The following SEM1 variants were observed in gnomAD, a reference collection of about 807,000 sequenced individuals.
SEM1 encodes the protein SEM1 26S proteasome subunit, also known as 26S proteasome complex subunit SEM1.
In SEM1, 3 loss-of-function variants were observed where a neutral mutation model predicts 12.7. That is an observed-to-expected ratio of 0.24 (90% CI 0.11 to 0.61). The LOEUF is 0.61. SEM1 is among the 20% of genes least tolerant of loss of function. The pLI, the probability that SEM1 is intolerant of heterozygous loss-of-function variation, is 0.88. For synonymous variants in SEM1, 30 were observed against 27.8 expected, an observed-to-expected ratio of 1.08 and a Z score of -0.25; for missense variants, 59 against 81.3, an observed-to-expected ratio of 0.73 and a Z score of 1.06.
chr7:96,484,821 T>C (rs1266445943), intron 3 of SEM1: 1 of 1,286,862 alleles, frequency 7.8e-7, no homozygotes, highest in Admixed American at 2.3e-5. Context: ...CTTTGTTCCA[T>C]TACCTTGCCC....
At chr7:96,666,332 T>C (rs1789171992) in intron 2 of SEM1, among the ~76,000 whole-genome samples, 1 of 152,140 alleles carries the variant, frequency 6.6e-6, no homozygotes, top group Non-Finnish European at 1.5e-5. Flanking sequence ...GAGTCCTGGG[T>C]TCAAATCCTG....
At chr7:96,526,331 C>T (rs781003833) in intron 2 of SEM1, among the ~76,000 whole-genome samples, 21 of 151,248 alleles carry the variant, frequency 1.4e-4, no homozygotes, top group Non-Finnish European at 2.1e-4. Context: ...TTTCTGCAAA[C>T]AATAGACAAA....
chr7:96,592,110 C>T (rs1021110549), intron 2 of SEM1, among the ~76,000 whole-genome samples: 3 of 151,920 alleles, frequency 2.0e-5, no homozygotes, highest in African/African-American at 7.3e-5. Flanking sequence ...AACTGAGTCA[C>T]ATTAAATTAC....
chr7:96,599,302 T>C (rs1415793440), intron 2 of SEM1, among the ~76,000 whole-genome samples: 2 of 152,190 alleles, frequency 1.3e-5, no homozygotes, highest in African/African-American at 4.8e-5. Context: ...TGAAAGCCTT[T>C]TCTTGCAGAA....
chr7:96,544,994 C>T (rs377172443), intron 2 of SEM1, among the ~76,000 whole-genome samples: 11 of 151,898 alleles, frequency 7.2e-5, no homozygotes, highest in East Asian at 5.8e-4. Flanking sequence ...CAAGGGTCAG[C>T]TGTCTTTTAA....
At chr7:96,595,174 T>C (rs1015572008) in intron 2 of SEM1, among the ~76,000 whole-genome samples, 1 of 152,164 alleles carries the variant, frequency 6.6e-6, no homozygotes, top group African/African-American at 2.4e-5. Flanking sequence ...TTTTTTTTAA[T>C]CAATGATGCT....
At chr7:96,526,546 C>T (rs1804469669) in intron 2 of SEM1, among the ~76,000 whole-genome samples, 1 of 152,104 alleles carries the variant, frequency 6.6e-6, no homozygotes, top group Non-Finnish European at 1.5e-5. Context: ...TTGACTCAGA[C>T]CAGGCTGAGT....
chr7:96,692,981 AAGTATC>A (rs895427769), intron 2 of SEM1, among the ~76,000 whole-genome samples: 1 of 152,012 alleles, frequency 6.6e-6, no homozygotes, highest in African/African-American at 2.4e-5. Flanking sequence ...AAAACTGTAG[AAGTATC>A]AGTATAACAG....
intron 2 of SEM1, among the ~76,000 whole-genome samples, chr7:96,615,334 C>T (rs971009320): frequency 7.1e-6 from 1 of 141,806 alleles, no homozygotes; most frequent in Non-Finnish European, 1.5e-5. Context: ...CTTACTGCAA[C>T]CTCCACCTCC....
At chr7:96,561,703 A>T (rs1046674157) in intron 2 of SEM1, among the ~76,000 whole-genome samples, 3 of 152,194 alleles carry the variant, frequency 2.0e-5, no homozygotes, top group Non-Finnish European at 2.9e-5. Flanking sequence ...ATAACTACTC[A>T]TTTCTATACT....
At chr7:96,629,395 A>C (rs1225919952) in intron 2 of SEM1, among the ~76,000 whole-genome samples, 1 of 151,700 alleles carries the variant, frequency 6.6e-6, no homozygotes, top group Non-Finnish European at 1.5e-5. Context: ...CAAGCTCACT[A>C]ATTCCTCTTC....
intron 2 of SEM1, among the ~76,000 whole-genome samples, chr7:96,664,740 G>A (rs1013359615): frequency 3.3e-5 from 5 of 152,158 alleles, no homozygotes; most frequent in Non-Finnish European, 7.3e-5. Flanking sequence ...AGGATACATG[G>A]TTTGGAATGT....
At chr7:96,637,110 T>C (rs965503472) in intron 2 of SEM1, 2 of 152,062 alleles carry the variant, frequency 1.3e-5, no homozygotes, top group Non-Finnish European at 2.9e-5. Flanking sequence ...CTTAGGCTAG[T>C]GGTGTAGAGG....
At chr7:96,619,825 C>A (rs949765536), downstream of SEM1, among the ~76,000 whole-genome samples, 1 of 152,080 alleles carries the variant, frequency 6.6e-6, no homozygotes, top group Non-Finnish European at 1.5e-5. Context: ...ATTGCTCTCC[C>A]ATGTTCTTCC....
At chr7:96,658,922 G>T (rs1175533045) in intron 2 of SEM1, among the ~76,000 whole-genome samples, 1 of 151,848 alleles carries the variant, frequency 6.6e-6, no homozygotes, top group South Asian at 2.1e-4. Flanking sequence ...TGAACCAAAT[G>T]TTCCCATCCT....
intron 2 of SEM1, among the ~76,000 whole-genome samples, chr7:96,555,033 T>C (rs373706019): frequency 1.2e-4 from 18 of 150,204 alleles, no homozygotes; most frequent in East Asian, 2.0e-4. Context: ...TCTGTGGGAT[T>C]GGTGGTGATA....
chr7:96,654,943 T>A (rs1248257057), intron 2 of SEM1, among the ~76,000 whole-genome samples: 1 of 152,142 alleles, frequency 6.6e-6, no homozygotes, highest in Non-Finnish European at 1.5e-5. Context: ...GTGTTCATTA[T>A]TGTGAAGCAC....
intron 1 of SEM1, among the ~76,000 whole-genome samples, chr7:96,708,714 T>C (rs946904858): frequency 1.3e-5 from 2 of 152,172 alleles, no homozygotes. Flanking sequence ...CAGTTCCAGT[T>C]CTATTATTTC....
At chr7:96,672,542 C>G (rs539442237), downstream of SEM1, 3 of 152,192 alleles carry the variant, frequency 2.0e-5, no homozygotes, top group African/African-American at 7.2e-5. Context: ...TGTTCTCCAA[C>G]TGCAATAGTC....
Sources: allele counts gnomAD v4.1 joint callset (sites outside exome capture counted in the v4.1 genomes callset), GRCh38; gene constraint gnomAD v4.1.1; transcripts MANE v1.5; gene names NCBI Gene and HGNC (gene_info 2026-07-23, HGNC 2026-07-21).